Variants in CHRM5 observed in about 807,000 individuals in gnomAD.
The protein encoded by CHRM5 is muscarinic acetylcholine receptor M5.
A neutral mutation model predicts 39.0 loss-of-function variants in CHRM5; 18 were observed. The ratio of observed to expected loss-of-function variants is 0.46; its 90% CI spans 0.32 to 0.68. The LOEUF is 0.68. CHRM5 is among the 30% of genes least tolerant of loss of function. The probability of loss-of-function intolerance (pLI) is 0.04; values close to 1 mark genes in which losing one functional copy is unlikely to be tolerated. For missense variants in CHRM5, 515 were observed against 651.1 expected (o/e 0.79, Z 2.28); for synonymous variants, 241 against 246.3 (o/e 0.98, Z 0.20).
At chr15:34,024,299 TG>T (rs1898340351) in intron 1 of CHRM5, among the ~76,000 whole-genome samples, 1 of 151,874 alleles carries the variant, frequency 6.6e-6, no homozygotes, top group African/African-American at 2.4e-5. Context: ...TAGTGATAAA[TG>T]GTATCAAAAT....
At chr15:34,023,659 T>C (rs1415011825) in intron 1 of CHRM5, among the ~76,000 whole-genome samples, 1 of 152,178 alleles carries the variant, frequency 6.6e-6, no homozygotes, top group Non-Finnish European at 1.5e-5. Context: ...GTCCTATTCT[T>C]GCCCCTACTC....
At chr15:34,026,219 C>T (rs1898465801) in intron 1 of CHRM5, among the ~76,000 whole-genome samples, 2 of 151,840 alleles carry the variant, frequency 1.3e-5, no homozygotes, top group East Asian at 1.9e-4. Flanking sequence ...TGACATCTTC[C>T]CAGTTTTATG....
At chr15:34,033,058 GT>G (rs1355071129) in intron 1 of CHRM5, among the ~76,000 whole-genome samples, 2 of 152,102 alleles carry the variant, frequency 1.3e-5, no homozygotes, top group African/African-American at 4.8e-5. Context: ...TGTGAACAAT[GT>G]TTCTCAATCC....
intron 1 of CHRM5, among the ~76,000 whole-genome samples, chr15:33,988,976 C>T (rs1197405991): frequency 6.6e-6 from 1 of 151,876 alleles, no homozygotes; most frequent in Non-Finnish European, 1.5e-5. Context: ...TTTCCTTTGT[C>T]TTTACAGCTT....
intron 1 of CHRM5, among the ~76,000 whole-genome samples, chr15:34,021,779 C>T (rs1177553787): frequency 6.6e-6 from 1 of 152,056 alleles, no homozygotes; most frequent in Admixed American, 6.5e-5. Context: ...CACTTGAACC[C>T]AGGAGGTGGA....
At chr15:33,991,720 A>G (rs1251539580) in intron 1 of CHRM5, 2 of 152,198 alleles carry the variant, frequency 1.3e-5, no homozygotes, top group Non-Finnish European at 2.9e-5. Context: ...AACACTAAAT[A>G]AAGCAGAAGC....
chr15:34,049,881 A>G (rs1404527482), intron 2 of CHRM5, among the ~76,000 whole-genome samples: 14 of 139,584 alleles, frequency 1.0e-4, no homozygotes, highest in Non-Finnish European at 2.0e-4. Flanking sequence ...CCAATAATCA[A>G]CATCAACTTT....
intron 1 of CHRM5, among the ~76,000 whole-genome samples, chr15:34,042,834 A>G (rs1036952247): frequency 8.5e-5 from 13 of 152,342 alleles, no homozygotes; most frequent in Admixed American, 3.9e-4. Context: ...TCTGGGGATG[A>G]GGCCCAGTAA....
intron 2 of CHRM5, among the ~76,000 whole-genome samples, chr15:34,052,275 A>G (rs762776756): frequency 6.6e-6 from 1 of 152,224 alleles, no homozygotes; most frequent in Non-Finnish European, 1.5e-5. Context: ...AGATGCAGAA[A>G]AGGCTTTGAA....
At chr15:33,975,932 GAAGAA>G (rs139962560) in intron 1 of CHRM5, among the ~76,000 whole-genome samples, 1,608 of 152,046 alleles carry the variant, frequency 0.011, 32 homozygotes, top group African/African-American at 0.037. Context: ...TGTCTCAAAA[GAAGAA>G]AAGAAAAGAA....
chr15:34,025,995 T>C (rs1898451547), intron 1 of CHRM5, among the ~76,000 whole-genome samples: 1 of 152,180 alleles, frequency 6.6e-6, no homozygotes, highest in African/African-American at 2.4e-5. Flanking sequence ...TGTAGAATCG[T>C]CTTTTCAAAT....
Position 34,038,280 on chromosome 15 carries a change from C to G in CHRM5, c.-407-8260C>G, listed in dbSNP as rs567761302. 3.3e-5 allele frequency among the ~76,000 whole-genome samples: 5 copies of G among 152,352 alleles called. No homozygotes were observed. The South Asian group carries it at 1.0e-3, about 32-fold the overall frequency. ...AGGGGTCATTCTTTCACTCAACAAA[C>G]TTTTTATTATGCGCCTACTGTGTAC... is the stretch of plus-strand genomic sequence containing the variant. On this transcript the variant is annotated intron_variant, in intron 1 of 2. Coordinates refer to ENST00000383263, the MANE Select transcript of CHRM5 (RefSeq NM_012125.4).
intron 1 of CHRM5, among the ~76,000 whole-genome samples, chr15:34,010,216 T>C (rs545453752): frequency 5.9e-5 from 9 of 152,292 alleles, no homozygotes; most frequent in Admixed American, 4.6e-4. Context: ...TTACAATAAA[T>C]AAACAATAAT....
At position 33,978,674 on chromosome 15, in the gene CHRM5, A is replaced by T. The variant is rs1226197108; in HGVS notation, c.-408+9524A>T. On this transcript the variant is annotated intron_variant, in intron 1 of 2. Coordinates refer to ENST00000383263, the MANE Select transcript of CHRM5 (RefSeq NM_012125.4). The stretch of plus-strand genomic sequence containing the variant: ...TGAGACTCTGTTTCAAAATAAATAA[A>T]TAAATAAATAAAAATAAAAATAAAT... 3.9e-5 allele frequency among the ~76,000 whole-genome samples: 6 copies of T among 152,060 alleles called. No individual in the cohort carries two copies. In the East Asian group the frequency reaches 1.2e-3, roughly 29 times the overall value.
At chr15:33,998,395 G>C (rs1425644088) in intron 1 of CHRM5, among the ~76,000 whole-genome samples, 1 of 152,102 alleles carries the variant, frequency 6.6e-6, no homozygotes, top group African/African-American at 2.4e-5. Flanking sequence ...GGAAGCCAAG[G>C]CAGGATTGTT....
At position 34,045,880 on chromosome 15, in the gene CHRM5, C is replaced by A. The variant is rs145922646; in HGVS notation, c.-407-660C>A. On this transcript the variant is annotated intron_variant, in intron 1 of 2. Transcript: ENST00000383263. ...TTGACAGCAGAGAACAAGAAACAAT[C>A]GGCCAAGGTTGGAAACCCAGAGGCT... Among the ~76,000 whole-genome samples, 7 of 152,236 alleles carry A rather than the reference C, an allele frequency of 4.6e-5. No homozygotes were observed. The East Asian group carries it at 1.2e-3, about 25-fold the overall frequency.
At chr15:33,971,425 A>C (rs1245984297) in intron 1 of CHRM5, among the ~76,000 whole-genome samples, 1 of 152,036 alleles carries the variant, frequency 6.6e-6, no homozygotes, top group East Asian at 1.9e-4. Context: ...GGTCATTTTA[A>C]ATTATCCAAA....
chr15:34,013,208 C>T (rs528444923), intron 1 of CHRM5, among the ~76,000 whole-genome samples: 27 of 152,132 alleles, frequency 1.8e-4, no homozygotes, highest in South Asian at 2.1e-4. Flanking sequence ...ATTACAGGCG[C>T]GCGCCACCAC....
intron 1 of CHRM5, among the ~76,000 whole-genome samples, chr15:34,023,536 A>G (rs1331963647): frequency 2.6e-5 from 4 of 152,152 alleles, no homozygotes; most frequent in Admixed American, 2.6e-4. Flanking sequence ...CATTCTTGCA[A>G]AACCTGAGAT....
Sources: allele counts gnomAD v4.1 joint callset (sites outside exome capture counted in the v4.1 genomes callset), GRCh38; gene constraint gnomAD v4.1.1; transcripts MANE v1.5; gene names NCBI Gene and HGNC (gene_info 2026-07-23, HGNC 2026-07-21).